NEB: variants seen among roughly 807,000 people sequenced by gnomAD.
NEB encodes the protein nemaline myopathy type 2.
A neutral mutation model predicts 952.2 loss-of-function variants in NEB; 512 were observed. The observed-to-expected ratio is 0.54, with a 90% CI of 0.50 to 0.58. NEB has a LOEUF of 0.58. NEB is among the 20% of genes least tolerant of loss of function. The probability of loss-of-function intolerance (pLI) is 0.00; values close to 1 mark genes in which losing one functional copy is unlikely to be tolerated. For missense variants in NEB, 8,428 were observed against 9,231.1 expected, an observed-to-expected ratio of 0.91 and a Z score of 3.56; for synonymous variants, 2,900 against 3,149.8, an observed-to-expected ratio of 0.92 and a Z score of 2.66.
intron 54 of NEB, 23 bp from the exon 55 acceptor site, chr2:151,646,257 T>C: frequency 6.6e-7 from 1 of 1,507,994 alleles, no homozygotes; most frequent in Non-Finnish European, 9.0e-7. Flanking sequence ...ATAATAATTT[T>C]TCAGTGGTGT....
chr2:151,514,615 A>G (rs565598716), intron 158 of NEB, among the ~76,000 whole-genome samples, 187 bp from the exon 159 acceptor site: 1 of 152,378 alleles, frequency 6.6e-6, no homozygotes, highest in South Asian at 2.1e-4. Context: ...CTTGAAGTTA[A>G]TAGAATGCTA....
At position 151,706,931 on chromosome 2, in the gene NEB, C is replaced by T; in HGVS notation, c.1102G>A (p.Glu368Lys). The change falls in exon 13 of 182, where the codon GAG becomes AAG. Residue 368 changes from glutamate (E) to lysine (K), a missense_variant. By Grantham distance (56) the Glu-to-Lys change is moderately conservative (BLOSUM62 1). Coordinates refer to ENST00000397345, the MANE Select transcript of NEB (RefSeq NM_001164508.2). Reference protein sequence around the residue: ...KADYNVLPASENPQLRQLKAA... With the variant: ...KADYNVLPASKNPQLRQLKAA... Reference sequence around the variant, plus strand: ...TTCAGCTGCCTAAGCTGTGGGTTCTCTGAAGCAGGAAGCACATTATAATCT... The same window carrying T: ...TTCAGCTGCCTAAGCTGTGGGTTCTTTGAAGCAGGAAGCACATTATAATCT... 1 of 1,606,892 alleles carries T rather than the reference C, an allele frequency of 6.2e-7. No individual in the cohort carries two copies. The highest frequency in any genetic ancestry group is 2.2e-5 in the East Asian group (1 of 44,838).
rs1041190803 is a variant in NEB at position 151,524,315 on chromosome 2, C to T, written c.22475G>A (p.Ser7492Asn). 1 of 1,613,252 alleles carries T rather than the reference C, an allele frequency of 6.2e-7. No individual in the cohort carries two copies. The highest frequency in any genetic ancestry group is 1.7e-5 in the Admixed American group (1 of 60,006). Residue 7492 changes from serine to asparagine, a missense_variant, in exon 153 of 182, where the codon AGC becomes AAC. Ser to Asn is a conservative substitution (Grantham distance 46). This residue lies in a region of NEB where 3,374 missense variants were observed against 3,651.5 expected (regional missense o/e 0.92). Transcript: ENST00000397345. ...CAGTGCACCCATCTGCATTACCTGG[C>T]TGCTCAGCTTGGCTGCCTTCTTGGC... ...EMAKKAAKLS[S>N]QVKYRENFDK...
In NEB at chr2:151,525,979, T is replaced by G; in HGVS notation, c.22140A>C (p.Glu7380Asp). The G allele has an allele frequency of 1.2e-6, 2 of 1,613,952 alleles. No individual in the cohort carries two copies. The highest frequency in any genetic ancestry group is 1.7e-6 in the Non-Finnish European group (2 of 1,179,798). Residue 7380 changes from glutamate to aspartate, a missense_variant, in exon 150 of 182, where the codon GAA becomes GAC. Physicochemically the swap from Glu to Asp is conservative, Grantham distance 45. Around this residue, in one of 11 missense-constraint regions of NEB, gnomAD observed 3,374 missense variants for 3,651.5 expected, o/e 0.92. Coordinates refer to ENST00000397345, the MANE Select transcript of NEB (RefSeq NM_001164508.2). ...PETRDTVHVK[E>D]VTKHVSDTNY... ...TTACATCACTGACATGCTTGGTCAC[T>G]TCCTTGACGTGAACAGTGTCCCGGG...
chr2:151,632,223 T>A (rs2098682555), intron 65 of NEB, among the ~76,000 whole-genome samples: 1 of 151,926 alleles, frequency 6.6e-6, no homozygotes. Context: ...TTCACAATCA[T>A]AGTTTTGAAT....
rs767886794 is a variant in NEB, at chr2:151,548,310, C to T, written c.20155G>A (p.Glu6719Lys). ...HVRRVNNVTS[E>K]RLYRELYHKL... ...TTGGAGAATCAGCATTCAGGTACCT[C>T]GCTGGTAACATTGTTGACTCTCCGG... Residue 6719 changes from glutamate (E) to lysine (K), a missense_variant and splice_region_variant, in exon 131 of 182, where the codon GAG (glutamate) becomes AAG (lysine). Glu to Lys is a moderately conservative substitution (Grantham distance 56). Around this residue, in one of 11 missense-constraint regions of NEB, gnomAD observed 3,374 missense variants for 3,651.5 expected, o/e 0.92. Transcript: ENST00000397345. 13 of 1,608,238 alleles carry T rather than the reference C, an allele frequency of 8.1e-6. No homozygotes were observed. The highest frequency in any genetic ancestry group is 2.2e-5 in the East Asian group (1 of 44,824).
intron 32 of NEB, among the ~76,000 whole-genome samples, chr2:151,679,209 A>G (rs745456462): frequency 4.9e-4 from 75 of 152,188 alleles, no homozygotes; most frequent in Non-Finnish European, 9.8e-4. Context: ...AAATGACTTC[A>G]GTTCACATCT....
In NEB at chr2:151,614,414, C is replaced by A; in HGVS notation, c.11463G>T (p.Met3821Ile). The change falls in exon 77 of 182, where the codon ATG (methionine) becomes ATT (isoleucine). Residue 3821 changes from methionine (M) to isoleucine (I), a missense_variant. Physicochemically the swap from Met to Ile is conservative, Grantham distance 10 (BLOSUM62 1). This residue lies in a region of NEB where 1,772 missense variants were observed against 1,960.3 expected (regional missense o/e 0.90). Coordinates refer to ENST00000397345, the MANE Select transcript of NEB (RefSeq NM_001164508.2). ...WKTKFSSPVDMLGVVLAKKCQ... is the reference protein window; with the variant it reads ...WKTKFSSPVDILGVVLAKKCQ... ...ACTTCTTGGCCAGCACCACCCCCAGCATGTCCACTGGGCTGCTGAACTTGG... is the reference window on the plus strand; with the variant it reads ...ACTTCTTGGCCAGCACCACCCCCAGAATGTCCACTGGGCTGCTGAACTTGG... The A allele has an allele frequency of 6.2e-7, 1 of 1,613,912 alleles. No individual in the cohort carries two copies.
chr2:151,661,355 G>T (rs2099147133), intron 46 of NEB, among the ~76,000 whole-genome samples: 1 of 152,146 alleles, frequency 6.6e-6, no homozygotes, highest in South Asian at 2.1e-4. Flanking sequence ...TCAATTCTCT[G>T]AAGACTCCAG....
rs1181477439 is a variant in NEB at position 151,691,851 on chromosome 2, G to A, written c.2211+13C>T. On this transcript the variant is annotated intron_variant, in intron 23 of 181. Transcript: ENST00000397345. ...CCAAGCTCAATTTCAATAATTCAGGGCAGCTAACTTACATCTTTACACTGG... is the reference window on the plus strand; with the variant it reads ...CCAAGCTCAATTTCAATAATTCAGGACAGCTAACTTACATCTTTACACTGG... 17 of 1,548,640 alleles carry A rather than the reference G, an allele frequency of 1.1e-5. No individual in the cohort carries two copies. The highest frequency in any genetic ancestry group is 1.5e-5 in the Non-Finnish European group (17 of 1,132,794).
chr2:151,536,263 A>C (rs1187085499), intron 141 of NEB, among the ~76,000 whole-genome samples: 11 of 152,222 alleles, frequency 7.2e-5, no homozygotes, highest in Non-Finnish European at 1.5e-4. Context: ...AAAGGGTAGA[A>C]CTGCCTAGAT....
intron 135 of NEB, among the ~76,000 whole-genome samples, chr2:151,545,191 G>T (rs1247632346): frequency 6.6e-6 from 1 of 152,216 alleles, no homozygotes; most frequent in Non-Finnish European, 1.5e-5. Flanking sequence ...TTCTCCAATG[G>T]CACTGCCATG....
intron 60 of NEB, 99 bp downstream of exon 60, chr2:151,642,475 G>T: frequency 1.0e-6 from 1 of 986,020 alleles, no homozygotes; most frequent in Non-Finnish European, 1.5e-6. Context: ...GTTAGCAACA[G>T]CTTTAACCTC....
chr2:151,570,035 A>G, intron 109 of NEB, 46 bp downstream of exon 109: 2 of 1,544,840 alleles, frequency 1.3e-6, no homozygotes, highest in Non-Finnish European at 1.8e-6. Flanking sequence ...TCTGGAAGTC[A>G]TGGCAAACTG....
Position 151,636,261 on chromosome 2 carries a change from A to G in NEB, c.9068T>C (p.Val3023Ala). The G allele has an allele frequency of 6.2e-7, 1 of 1,610,434 alleles. No homozygotes were observed. Among genetic ancestry groups the G allele is most frequent in the Non-Finnish European group, 8.5e-7 (1 of 1,179,766 alleles). The stretch of plus-strand genomic sequence containing the variant: ...GATGTCCCTGGAGGCCTTGGCCGCC[A>G]CGATGGGGATGGCGTCGCTTCGCAA... Reference protein sequence around the residue: ...YDLRSDAIPIVAAKASRDIIS... With the variant: ...YDLRSDAIPIAAAKASRDIIS... Residue 3023 changes from valine to alanine, a missense_variant, in exon 64 of 182, where the codon GTG becomes GCG. Transcript: ENST00000397345.
intron 153 of NEB, chr2:151,520,039 C>CAA (rs5835369): frequency 9.4e-5 from 15 of 159,016 alleles, no homozygotes; most frequent in Non-Finnish European, 1.7e-4. Context: ...TAATGCAAAA[C>CAA]AAAAAAAAAA....
rs535487481 is a variant in NEB at position 151,562,850 on chromosome 2, G to A, written c.18694-42C>T. ...ACAAAAATAAGAAAGGGGTTTAAAT[G>A]TAAATTATTCAGATCAATGTCTTTT... On this transcript the variant is annotated intron_variant, in intron 119 of 181. Coordinates refer to ENST00000397345, the MANE Select transcript of NEB (RefSeq NM_001164508.2). 40 of 1,397,292 alleles carry A rather than the reference G, an allele frequency of 2.9e-5. No homozygotes were observed. In the East Asian group the frequency reaches 8.3e-4, roughly 29 times the overall value. The allele number at this position is 1,397,292 out of a possible 1,614,324, so 86.6% of individuals were successfully genotyped here.
At chr2:151,607,008 TG>T (rs2097724932) in intron 83 of NEB, among the ~76,000 whole-genome samples, 1 of 91,970 alleles carries the variant, frequency 1.1e-5, no homozygotes, top group Non-Finnish European at 2.9e-5. Context: ...TAAGGATCAA[TG>T]GGGAAGCCAG....
chr2:151,714,395 G>T (rs1244186517), intron 10 of NEB, among the ~76,000 whole-genome samples: 1 of 152,028 alleles, frequency 6.6e-6, no homozygotes, highest in African/African-American at 2.4e-5. Context: ...ATCATTTCTT[G>T]CTCCTCAACA....
Sources: allele counts gnomAD v4.1 joint callset (sites outside exome capture counted in the v4.1 genomes callset), GRCh38; gene constraint gnomAD v4.1.1; regional missense constraint gnomAD v4.1.1; transcripts MANE v1.5; gene names NCBI Gene and HGNC (gene_info 2026-07-23, HGNC 2026-07-21).